PRKAG3: variants seen among roughly 807,000 people sequenced by gnomAD.
PRKAG3 encodes 5'-AMP-activated protein kinase subunit gamma-3.
In PRKAG3, 39 loss-of-function variants were observed where a neutral mutation model predicts 56.5. The ratio of observed to expected loss-of-function variants is 0.69; its 90% confidence interval spans 0.53 to 0.90. The LOEUF (loss-of-function observed/expected upper bound fraction) is 0.90. PRKAG3 is among the 40% of genes least tolerant of loss of function. The pLI, the probability that PRKAG3 is intolerant of heterozygous loss-of-function variation, is 0.00. For synonymous variants in PRKAG3, 243 were observed against 250.1 expected (o/e 0.97, Z 0.27); for missense variants, 628 against 627.5 (o/e 1.00, Z -0.01).
At position 218,827,337 on chromosome 2, in the gene PRKAG3, C is replaced by T. The variant is rs746049612; in HGVS notation, c.912G>A (p.Arg304=). 3.1e-6 allele frequency: 5 copies of T among 1,614,130 alleles called. No individual in the cohort carries two copies. The highest frequency in any genetic ancestry group is 4.2e-6 in the Non-Finnish European group (5 of 1,180,028). ...GGTCAAGAACAGGCAGGCGATGGAT[C>T]CGGTTCTTGATGAGGGTGTAGACAG... Residue 304 remains arginine, a synonymous_variant, in exon 9 of 13, where the codon CGG becomes CGA. Transcript: ENST00000529249. The surrounding 1 kb of genome is among the most constrained non-coding windows in gnomAD (Gnocchi z 5.3).
At chr2:218,830,134 C>T (rs1446314477) in exon 4 of PRKAG3, 2 of 1,613,870 alleles carry the variant, frequency 1.2e-6, no homozygotes, top group Admixed American at 1.7e-5. Flanking sequence ...GGGACAGGCA[C>T]AGGGCAGGCC....
chr2:218,823,127 C>G (rs961740881), downstream of PRKAG3: 32 of 890,194 alleles, frequency 3.6e-5, no homozygotes, highest in Non-Finnish European at 4.2e-5. Flanking sequence ...GGGACAGCGG[C>G]CTTTCCAACA....
Position 218,828,023 on chromosome 2 carries a change from C to A in PRKAG3, c.755G>T (p.Arg252Leu), listed in dbSNP as rs199795628. ...CCTCACCAGGGGGGACCTGTAGTAG[C>A]GATGCAGCACCAGGATGAAGTCAGT... The change falls in exon 6 of 13, where the codon CGC becomes CTC. Residue 252 changes from arginine (R) to leucine (L), a missense_variant. Arg to Leu is a moderately radical substitution (Grantham distance 102). Coordinates refer to ENST00000529249, the Ensembl canonical transcript of PRKAG3. 1 of 1,569,350 alleles carries A rather than the reference C, an allele frequency of 6.4e-7. No homozygotes were observed. Among genetic ancestry groups the A allele is most frequent in the Non-Finnish European group, 8.6e-7 (1 of 1,156,330 alleles).
At chr2:218,826,236 A>G (rs995149359) in intron 10 of PRKAG3, among the ~76,000 whole-genome samples, 1 of 152,168 alleles carries the variant, frequency 6.6e-6, no homozygotes, top group African/African-American at 2.4e-5. Flanking sequence ...TCTTTCTACC[A>G]TTTCTATACA....
chr2:218,826,688 C>T, intron 10 of PRKAG3: 1 of 547,336 alleles, frequency 1.8e-6, no homozygotes, highest in Non-Finnish European at 3.3e-6. Flanking sequence ...CTTTTAAATC[C>T]TCCTGTGAAG....
In PRKAG3 at chr2:218,827,936, G is replaced by C; in HGVS notation, c.775-58C>G. The C allele has an allele frequency of 4.3e-6, 7 of 1,609,932 alleles. No individual in the cohort carries two copies. Among genetic ancestry groups the C allele is most frequent in the Non-Finnish European group, 5.1e-6 (6 of 1,177,340 alleles). On this transcript the variant is annotated intron_variant, in intron 6 of 12. Transcript: ENST00000529249. The surrounding 1 kb of genome is among the most constrained non-coding windows in gnomAD (Gnocchi z 5.3). ...AAGACGTGGGCTTCTAGGGCACCAGGCTCCAGGAGGACTCCCCTCCGCCCC... is the reference window on the plus strand; with the variant it reads ...AAGACGTGGGCTTCTAGGGCACCAGCCTCCAGGAGGACTCCCCTCCGCCCC...
chr2:218,827,813 G>A lies in PRKAG3; in HGVS notation c.820+20C>T, dbSNP rs754670730. On this transcript the variant is annotated intron_variant, in intron 7 of 12. Coordinates refer to ENST00000529249, the Ensembl canonical transcript of PRKAG3. This position sits in a 1 kb window ranked among gnomAD's most constrained non-coding sequence, Gnocchi z 5.3. ...CCCACCATCACCAACAGCCCTTTCCGGGTTCCTCTCCCCACTCACCCCTCC... is the reference window on the plus strand; with the variant it reads ...CCCACCATCACCAACAGCCCTTTCCAGGTTCCTCTCCCCACTCACCCCTCC... 1.1e-5 allele frequency: 18 copies of A among 1,611,062 alleles called. No individual in the cohort carries two copies. The highest frequency in any genetic ancestry group is 3.3e-5 in the South Asian group (3 of 90,972).
downstream of PRKAG3, chr2:218,823,273 C>T (rs147201106): frequency 3.9e-4 from 89 of 226,824 alleles, 2 homozygotes; most frequent in East Asian, 0.01. Flanking sequence ...GAAGCTCCTT[C>T]CTTTAAGCTT....
chr2:218,827,513 G>C lies in PRKAG3; in HGVS notation c.875+62C>G. On this transcript the variant is annotated intron_variant, in intron 8 of 12. Transcript: ENST00000529249. This position sits in a 1 kb window ranked among gnomAD's most constrained non-coding sequence, Gnocchi z 5.3. The stretch of plus-strand genomic sequence containing the variant: ...GATGAAGAGGTGAGTTCAGAGCTGA[G>C]TGGGACTGGGGAAGGGGACTGTGGG... The C allele has an allele frequency of 6.2e-7, 1 of 1,601,320 alleles. No individual in the cohort carries two copies. Among genetic ancestry groups the C allele is most frequent in the Non-Finnish European group, 8.6e-7 (1 of 1,168,646 alleles).
chr2:218,831,270 C>T, intron 2 of PRKAG3, 66 bp downstream of exon 2: 1 of 1,299,196 alleles, frequency 7.7e-7, no homozygotes, highest in Non-Finnish European at 1.1e-6. Context: ...ATTGGGGTCC[C>T]AGAAAAGTGG....
intron 4 of PRKAG3, 36 bp from the exon 5 acceptor site, chr2:218,828,636 CGA>C: frequency 6.3e-7 from 1 of 1,575,142 alleles, no homozygotes; most frequent in Non-Finnish European, 8.7e-7. Flanking sequence ...GGGTGGGTCC[CGA>C]GAGACCCTCA....
At chr2:218,824,639 G>C (rs1943905572) in intron 10 of PRKAG3, 63 bp from the exon 11 acceptor site, 2 of 1,471,434 alleles carry the variant, frequency 1.4e-6, no homozygotes, top group Middle Eastern at 1.7e-4. Context: ...GGTCAGAACC[G>C]GGGTGCTGTG....
intron 10 of PRKAG3, among the ~76,000 whole-genome samples, chr2:218,826,388 T>C (rs916085905): frequency 2.0e-5 from 3 of 152,182 alleles, no homozygotes; most frequent in African/African-American, 7.2e-5. Context: ...CCTTTTTCAG[T>C]GTAGGAAATT....
intron 5 of PRKAG3, 79 bp from the exon 6 acceptor site, chr2:218,828,141 C>A: frequency 1.5e-6 from 2 of 1,295,162 alleles, no homozygotes; most frequent in Non-Finnish European, 2.2e-6. Context: ...CCCTCCCCAC[C>A]CTGCCAGTGT....
At chr2:218,823,725 G>T in exon 13 of PRKAG3, 1 of 1,613,248 alleles carries the variant, frequency 6.2e-7, no homozygotes, top group Non-Finnish European at 8.5e-7. Context: ...TGGCTTCCAG[G>T]TGTGCAGGTG....
chr2:218,830,270 C>T lies in PRKAG3; in HGVS notation c.341G>A (p.Trp114Ter). 1 of 1,613,818 alleles carries T rather than the reference C, an allele frequency of 6.2e-7. No individual in the cohort carries two copies. Among genetic ancestry groups the T allele is most frequent in the Non-Finnish European group, 8.5e-7 (1 of 1,179,912 alleles). Reference sequence around the variant, plus strand: ...TGTACAGTCAGAGGGGAGGCAGTCCCACCCTGTTGGTGGAGTGCCCACCCC... The same window carrying T: ...TGTACAGTCAGAGGGGAGGCAGTCCTACCCTGTTGGTGGAGTGCCCACCCC... The change falls in exon 4 of 13, where the codon TGG (tryptophan) becomes TAG (stop). Residue 114 changes from tryptophan to a stop codon, truncating the protein, a stop_gained. Transcript: ENST00000529249. LOFTEE classifies it high-confidence loss of function.
rs1027901617 is a variant in PRKAG3 at position 218,827,456 on chromosome 2, C to G, written c.876-83G>C. The G allele has an allele frequency of 6.2e-6, 10 of 1,605,306 alleles. No individual in the cohort carries two copies. In the African/African-American group the frequency reaches 1.2e-4, roughly 19 times the overall value. ...CAGGCCCCTAAAAAGGAGGGCAGGG[C>G]ACCAAGGCTCCCTTGTCTGTGTGCC... On this transcript the variant is annotated intron_variant, in intron 8 of 12. Coordinates refer to ENST00000529249, the Ensembl canonical transcript of PRKAG3. This position sits in a 1 kb window ranked among gnomAD's most constrained non-coding sequence, Gnocchi z 5.3.
chr2:218,826,757 A>G, intron 10 of PRKAG3, 171 bp downstream of exon 10: 1 of 760,360 alleles, frequency 1.3e-6, no homozygotes, highest in South Asian at 1.6e-5. Flanking sequence ...TGAGGCACAG[A>G]GAGGCTAAGC....
intron 12 of PRKAG3, 39 bp from the exon 13 acceptor site, chr2:218,823,917 G>A: frequency 1.3e-6 from 2 of 1,582,096 alleles, no homozygotes; most frequent in Non-Finnish European, 1.7e-6. Context: ...GCAGAGCCAT[G>A]GGGCTACAGC....
Sources: allele counts gnomAD v4.1 joint callset (sites outside exome capture counted in the v4.1 genomes callset), GRCh38; gene constraint gnomAD v4.1.1; non-coding constraint Gnocchi (gnomAD v3.1); transcripts MANE v1.5; gene names NCBI Gene and HGNC (gene_info 2026-07-23, HGNC 2026-07-21).